OR51B5: variants seen among roughly 807,000 people sequenced by gnomAD.
The protein encoded by OR51B5 is olfactory receptor 51B5.
For missense variants in OR51B5, 456 were observed against 374.6 expected (o/e 1.22, Z -1.79); for synonymous variants, 186 against 144.8 (o/e 1.28, Z -2.04).
chr11:5,466,761 T>C (rs966108537), intron 1 of OR51B5, among the ~76,000 whole-genome samples: 9 of 152,328 alleles, frequency 5.9e-5, no homozygotes, highest in African/African-American at 2.2e-4. Flanking sequence ...GGTCCCTCTG[T>C]TGCTGTTCAA....
chr11:5,390,299 C>A (rs768566489), intron 1 of OR51B5: 56 of 1,613,424 alleles, frequency 3.5e-5, no homozygotes, highest in Non-Finnish European at 4.5e-5. Context: ...CATGCTTAAC[C>A]CAATCATATA....
chr11:5,440,562 A>C, intron 1 of OR51B5: 4 of 1,606,030 alleles, frequency 2.5e-6, no homozygotes, highest in Non-Finnish European at 3.4e-6. Flanking sequence ...TGGGGCCTTC[A>C]GCCTTCCTCA....
chr11:5,400,571 T>C lies in OR51B5; in HGVS notation n.85-53661A>G, dbSNP rs562515926. On this transcript the variant is annotated intron_variant and non_coding_transcript_variant, in intron 1 of 4. Coordinates refer to the OR51B5 transcript ENST00000415970. The stretch of plus-strand genomic sequence containing the variant: ...GCTTTTCCTGACTTTTAAGAATAAA[T>C]TGGGTTTTTCCCTTTAGGACCCTCT... Among the ~76,000 whole-genome samples, 16 of 152,328 alleles carry C rather than the reference T, an allele frequency of 1.1e-4. No homozygotes were observed. In the South Asian group the frequency reaches 2.1e-3, roughly 20 times the overall value.
rs554942094 is a variant in OR51B5, at chr11:5,468,741, C to T, written n.84+36828G>A. The T allele has an allele frequency of 3.7e-5, 17 of 456,502 alleles. No homozygotes were observed. The East Asian group carries it at 1.2e-3, about 32-fold the overall frequency. The allele number at this position is 456,502 out of a possible 1,614,324, so 28.3% of individuals were successfully genotyped here. A position where few individuals can be genotyped will look rare whatever the true frequency, so the allele number is the denominator to read the frequency against. On this transcript the variant is annotated intron_variant and non_coding_transcript_variant, in intron 1 of 4. Transcript: ENST00000415970. ...TCACCCCTGGAGGCAATGGCCAGCA[C>T]AGAATGTAGAATGAGCACATAGGAG...
chr11:5,498,673 A>G (rs1851683064), intron 1 of OR51B5, among the ~76,000 whole-genome samples: 2 of 152,188 alleles, frequency 1.3e-5, no homozygotes, highest in Non-Finnish European at 2.9e-5. Context: ...AGACATTACT[A>G]ATTGTAACCA....
intron 1 of OR51B5, among the ~76,000 whole-genome samples, chr11:5,464,932 C>G (rs61892073): frequency 6.6e-6 from 1 of 152,024 alleles, no homozygotes; most frequent in African/African-American, 2.4e-5. Flanking sequence ...ATTGGCTGGG[C>G]GCGGTGGCTC....
At chr11:5,478,436 C>T (rs1158611096) in intron 1 of OR51B5, among the ~76,000 whole-genome samples, 1 of 152,046 alleles carries the variant, frequency 6.6e-6, no homozygotes, top group East Asian at 1.9e-4. Flanking sequence ...AAACTGGAAA[C>T]TCTAAAAAGC....
Position 5,445,486 on chromosome 11 carries a change from CCAAA to C in OR51B5, n.84+60079_84+60082del, listed in dbSNP as rs978362865. The stretch of plus-strand genomic sequence containing the variant: ...AATTATAATCAGTTTATTCCACCAA[CCAAA>C]CAGATAAAAACAGATTTTTGAGCAA... On this transcript the variant is annotated intron_variant and non_coding_transcript_variant, in intron 1 of 4. Transcript: ENST00000415970. 3.3e-5 allele frequency among the ~76,000 whole-genome samples: 5 copies of C among 152,024 alleles called. No homozygotes were observed. In the South Asian group the frequency reaches 6.2e-4, roughly 19 times the overall value.
chr11:5,465,338 A>G (rs1458933225), intron 1 of OR51B5, among the ~76,000 whole-genome samples: 1 of 150,054 alleles, frequency 6.7e-6, no homozygotes, highest in African/African-American at 2.5e-5. Flanking sequence ...TTTGATTTGC[A>G]TTTCTCTGAT....
At chr11:5,357,021 C>T (rs1205201497) in intron 1 of OR51B5, among the ~76,000 whole-genome samples, 1 of 152,050 alleles carries the variant, frequency 6.6e-6, no homozygotes, top group Admixed American at 6.6e-5. Context: ...ACTGCAAAAA[C>T]ATGCCAAATT....
At chr11:5,476,975 A>C (rs1375400313) in intron 1 of OR51B5, among the ~76,000 whole-genome samples, 1 of 152,228 alleles carries the variant, frequency 6.6e-6, no homozygotes, top group Non-Finnish European at 1.5e-5. Context: ...AATAAGTCCT[A>C]AAGATCTACT....
intron 1 of OR51B5, among the ~76,000 whole-genome samples, chr11:5,449,944 A>G (rs1850818986): frequency 6.6e-6 from 1 of 152,218 alleles, no homozygotes; most frequent in South Asian, 2.1e-4. Context: ...GTCTTTAGAC[A>G]GCCTTTCTGT....
chr11:5,417,622 C>G (rs1850263492), intron 1 of OR51B5, among the ~76,000 whole-genome samples: 1 of 151,272 alleles, frequency 6.6e-6, no homozygotes, highest in Non-Finnish European at 1.5e-5. Flanking sequence ...AGGACATGAA[C>G]AGACACTTCT....
At chr11:5,374,651 G>A (rs1361363037) in intron 1 of OR51B5, among the ~76,000 whole-genome samples, 4 of 152,208 alleles carry the variant, frequency 2.6e-5, no homozygotes, top group African/African-American at 9.7e-5. Context: ...AGCTGATGGA[G>A]CTGAAAGCCA....
intron 1 of OR51B5, among the ~76,000 whole-genome samples, chr11:5,369,055 T>G (rs1248220597): frequency 6.6e-6 from 1 of 151,994 alleles, no homozygotes; most frequent in Non-Finnish European, 1.5e-5. Context: ...CCAAGATGAG[T>G]GCCTTTGAAG....
intron 1 of OR51B5, among the ~76,000 whole-genome samples, chr11:5,473,308 G>GT (rs1851256629): frequency 6.6e-6 from 1 of 152,154 alleles, no homozygotes; most frequent in South Asian, 2.1e-4. Context: ...AGAAACTAAT[G>GT]TAAGGGTCTT....
chr11:5,360,469 A>C (rs971572391), intron 1 of OR51B5, among the ~76,000 whole-genome samples: 17 of 150,914 alleles, frequency 1.1e-4, no homozygotes, highest in Non-Finnish European at 2.1e-4. Context: ...TAGAATGGCG[A>C]TCATTAAAAA....
At chr11:5,360,547 T>G (rs913182925) in intron 1 of OR51B5, among the ~76,000 whole-genome samples, 2 of 151,964 alleles carry the variant, frequency 1.3e-5, no homozygotes, top group African/African-American at 4.8e-5. Context: ...TTGGTGAGAC[T>G]GTAAACTAGT....
At chr11:5,406,480 C>T (rs975096184) in intron 1 of OR51B5, among the ~76,000 whole-genome samples, 3 of 151,992 alleles carry the variant, frequency 2.0e-5, no homozygotes, top group Non-Finnish European at 4.4e-5. Flanking sequence ...CTGATGGCTC[C>T]CTGGGATTTT....
Sources: gnomAD v4.1 joint callset for allele counts (sites outside exome capture counted in the v4.1 genomes callset) on GRCh38, gnomAD v4.1.1 for gene constraint, MANE v1.5 for transcripts, NCBI Gene and HGNC (gene_info 2026-07-23, HGNC 2026-07-21) for gene names.